The following JAK1 variants were observed in gnomAD, a reference collection of about 807,000 sequenced individuals.
JAK1 encodes the protein Janus kinase 1.
In JAK1, 16 loss-of-function variants were observed where a neutral mutation model predicts 136.6. That is an observed-to-expected ratio of 0.12 (90% CI 0.08 to 0.18). The LOEUF is 0.18. JAK1 is among the 10% of genes least tolerant of loss of function. The probability of loss-of-function intolerance (pLI) is 1.00; values close to 1 mark genes in which losing one functional copy is unlikely to be tolerated. For missense variants in JAK1, 859 were observed against 1,450.1 expected (o/e 0.59, Z 6.62); for synonymous variants, 492 against 519.5 (o/e 0.95, Z 0.72).
intron 1 of JAK1, among the ~76,000 whole-genome samples, chr1:64,940,188 T>TA (rs1231812305): frequency 6.6e-6 from 1 of 152,208 alleles, no homozygotes; most frequent in Non-Finnish European, 1.5e-5. Flanking sequence ...AGTCCAAAGC[T>TA]AGTTACTATG....
At chr1:64,910,571 C>A (rs999866081) in intron 1 of JAK1, among the ~76,000 whole-genome samples, 54 of 152,110 alleles carry the variant, frequency 3.6e-4, no homozygotes, top group African/African-American at 1.3e-3. Flanking sequence ...TGGTGGCTCA[C>A]GCCTGGAATC....
chr1:65,045,854 T>G (rs538247880), intron 1 of JAK1, among the ~76,000 whole-genome samples: 1 of 152,226 alleles, frequency 6.6e-6, no homozygotes, highest in Non-Finnish European at 1.5e-5. Context: ...GTAAATCTTA[T>G]CAAGCTTGGG....
intron 2 of JAK1, among the ~76,000 whole-genome samples, chr1:65,027,562 T>G (rs1205385399): frequency 6.6e-6 from 1 of 152,058 alleles, no homozygotes; most frequent in Non-Finnish European, 1.5e-5. Context: ...TTGTAATAAC[T>G]GTGAAAGGCA....
At chr1:64,971,662 G>A (rs1646453147) in intron 2 of JAK1, among the ~76,000 whole-genome samples, 1 of 151,788 alleles carries the variant, frequency 6.6e-6, no homozygotes, top group African/African-American at 2.4e-5. Context: ...GAGTTCAAGC[G>A]ATTCTCCTGC....
Position 64,855,666 on chromosome 1 carries a change from G to A in JAK1, c.1491C>T (p.Asn497=). Reference sequence around the variant, plus strand: ...GGCCCTTCTGCACCTCGATCTGAAAGTTCTTGAACTGCTTCTGGGCACCCT... The same window carrying A: ...GGCCCTTCTGCACCTCGATCTGAAAATTCTTGAACTGCTTCTGGGCACCCT... The part of the protein sequence containing the change: ...QVQGAQKQFK[N]FQIEVQKGRY... The change falls in exon 11 of 25, where the codon AAC becomes AAT. Residue 497 remains asparagine (N), a synonymous_variant. Coordinates refer to ENST00000342505, the MANE Select transcript of JAK1 (RefSeq NM_002227.4). 1 of 1,613,922 alleles carries A rather than the reference G, an allele frequency of 6.2e-7. No homozygotes were observed. Among genetic ancestry groups the A allele is most frequent in the Non-Finnish European group, 8.5e-7 (1 of 1,179,896 alleles).
intron 1 of JAK1, among the ~76,000 whole-genome samples, chr1:65,052,456 T>A (rs533578607): frequency 6.6e-6 from 1 of 152,010 alleles, no homozygotes; most frequent in Non-Finnish European, 1.5e-5. Flanking sequence ...GGCAGGTGGA[T>A]CACCTGAGGT....
At chr1:64,915,119 G>A (rs1645371712) in intron 1 of JAK1, among the ~76,000 whole-genome samples, 1 of 152,136 alleles carries the variant, frequency 6.6e-6, no homozygotes, top group African/African-American at 2.4e-5. Context: ...GAAGGTAAAT[G>A]AGGCAGGATT....
intron 2 of JAK1, among the ~76,000 whole-genome samples, chr1:64,980,941 A>G (rs188527250): frequency 1.3e-5 from 2 of 152,288 alleles, no homozygotes; most frequent in Non-Finnish European, 2.9e-5. Flanking sequence ...TCCATGGTGT[A>G]TATGTGCCAC....
At chr1:64,846,876 G>A (rs1289476897) in intron 13 of JAK1, 140 bp from the exon 14 acceptor site, 7 of 646,908 alleles carry the variant, frequency 1.1e-5, no homozygotes, top group Non-Finnish European at 1.9e-5. Context: ...TCAATCCTCT[G>A]GCCTTGGCTG....
At chr1:64,919,957 A>T (rs557444803) in intron 1 of JAK1, among the ~76,000 whole-genome samples, 3 of 152,234 alleles carry the variant, frequency 2.0e-5, no homozygotes, top group Non-Finnish European at 4.4e-5. Context: ...TGCTAAGCAC[A>T]GGGCCTGGCA....
chr1:65,032,747 G>A (rs1211561313), intron 2 of JAK1, among the ~76,000 whole-genome samples: 2 of 152,130 alleles, frequency 1.3e-5, no homozygotes, highest in African/African-American at 2.4e-5. Flanking sequence ...TCATGCATCC[G>A]TTTTTTAAAT....
intron 2 of JAK1, among the ~76,000 whole-genome samples, chr1:65,015,020 A>ATTTTTTT (rs1646881839): frequency 6.6e-6 from 1 of 152,142 alleles, no homozygotes; most frequent in South Asian, 2.1e-4. Context: ...AAAATCTTTC[A>ATTTTTTT]AGAATGAGGG....
Position 64,989,049 on chromosome 1 carries a change from G to A in JAK1, c.-78+55431C>T, listed in dbSNP as rs2100717992. 1.4e-5 allele frequency among the ~76,000 whole-genome samples: 2 copies of A among 143,106 alleles called. 1 individual carries two copies. The allele number at this position is 143,106 out of a possible 152,430, so 93.9% of individuals were successfully genotyped here. On this transcript the variant is annotated intron_variant, in intron 2 of 25. Transcript: ENST00000671954. Reference sequence around the variant, plus strand: ...ATATATAAAATACAGAGATAAGGCTGGGCATGGTGGCTCACGCCTGTAATC... The same window carrying A: ...ATATATAAAATACAGAGATAAGGCTAGGCATGGTGGCTCACGCCTGTAATC...
chr1:65,040,150 G>T (rs1188110670), intron 2 of JAK1, among the ~76,000 whole-genome samples: 2 of 152,078 alleles, frequency 1.3e-5, no homozygotes, highest in South Asian at 4.2e-4. Flanking sequence ...AGGAGGTGGA[G>T]GTTGTAGTGA....
intron 10 of JAK1, among the ~76,000 whole-genome samples, chr1:64,856,522 G>A (rs1167316536): frequency 2.6e-5 from 4 of 152,152 alleles, no homozygotes; most frequent in Admixed American, 2.6e-4. Flanking sequence ...TTCCCCGGGT[G>A]ATGTGACATT....
intron 12 of JAK1, among the ~76,000 whole-genome samples, chr1:64,848,321 GCA>G (rs1473821902): frequency 6.6e-6 from 1 of 152,164 alleles, no homozygotes; most frequent in Non-Finnish European, 1.5e-5. Flanking sequence ...GCACAGGTAG[GCA>G]CAGTTTCTCA....
At chr1:64,947,102 GT>G (rs955830517) in intron 1 of JAK1, among the ~76,000 whole-genome samples, 3 of 152,178 alleles carry the variant, frequency 2.0e-5, no homozygotes, top group Non-Finnish European at 4.4e-5. Flanking sequence ...CAGAGTTTCA[GT>G]TTTGCAAGAT....
At chr1:65,033,383 C>T (rs1054422246) in intron 2 of JAK1, among the ~76,000 whole-genome samples, 3 of 151,806 alleles carry the variant, frequency 2.0e-5, no homozygotes, top group Non-Finnish European at 2.9e-5. Context: ...AATGGAGTCT[C>T]GGTATGTTGC....
chr1:64,839,402 G>A (rs924324353), intron 20 of JAK1: 3 of 423,632 alleles, frequency 7.1e-6, no homozygotes, highest in Non-Finnish European at 8.1e-6. Flanking sequence ...CTGGATGGAG[G>A]GGCCTGGGTG....
Sources: allele counts gnomAD v4.1 joint callset (sites outside exome capture counted in the v4.1 genomes callset), GRCh38; gene constraint gnomAD v4.1.1; transcripts MANE v1.5; gene names NCBI Gene and HGNC (gene_info 2026-07-23, HGNC 2026-07-21).